The following EXOC5 variants were observed in gnomAD, a reference collection of about 807,000 sequenced individuals.
The protein encoded by EXOC5 is exocyst complex component 5, also known as SEC10-like 1.
In EXOC5, 17 loss-of-function variants were observed where a neutral mutation model predicts 90.8. The observed-to-expected ratio is 0.19, with a 90% CI of 0.13 to 0.28. The LOEUF (loss-of-function observed/expected upper bound fraction) is 0.28. EXOC5 is among the 10% of genes least tolerant of loss of function. The pLI, the probability that EXOC5 is intolerant of heterozygous loss-of-function variation, is 1.00. For missense variants in EXOC5, 569 were observed against 830.6 expected (o/e 0.69, Z 3.87); for synonymous variants, 260 against 270.0 (o/e 0.96, Z 0.36).
Position 57,232,767 on chromosome 14 carries a change from A to C in EXOC5, c.856-18T>G. 8.2e-7 allele frequency: 1 copy of C among 1,221,756 alleles called. No individual in the cohort carries two copies. The highest frequency in any genetic ancestry group is 1.2e-6 in the Non-Finnish European group (1 of 850,868). The allele number at this position is 1,221,756 out of a possible 1,614,324, so 75.7% of individuals were successfully genotyped here. Reference sequence around the variant, plus strand: ...ACAAAACTCTAAAAGAAAAAGGTTAACATTCTGTTAATTAGGTAAATATTA... The same window carrying C: ...ACAAAACTCTAAAAGAAAAAGGTTACCATTCTGTTAATTAGGTAAATATTA... On this transcript the variant is annotated intron_variant, in intron 9 of 17. Coordinates refer to ENST00000621441, the MANE Select transcript of EXOC5 (RefSeq NM_006544.4).
intron 1 of EXOC5, among the ~76,000 whole-genome samples, chr14:57,250,666 C>CT: frequency 1.3e-5 from 2 of 152,054 alleles, no homozygotes; most frequent in African/African-American, 4.8e-5. Flanking sequence ...ACCTAGTGGT[C>CT]ATTTCTGCAG....
intron 7 of EXOC5, among the ~76,000 whole-genome samples, chr14:57,235,284 T>C (rs187208627): frequency 2.6e-5 from 4 of 152,256 alleles, no homozygotes; most frequent in Admixed American, 2.0e-4. Flanking sequence ...CAAAATTCTT[T>C]TGTATTACCT....
intron 13 of EXOC5, among the ~76,000 whole-genome samples, chr14:57,221,266 G>C (rs184790732): frequency 9.0e-4 from 137 of 152,256 alleles, no homozygotes; most frequent in African/African-American, 3.1e-3. Context: ...AACAATAAGG[G>C]TCAGAGTGAC....
rs1160309009 is a variant in EXOC5 at position 57,205,100 on chromosome 14, T to C, written c.*3509A>G. 6.6e-6 allele frequency: 1 copy of C among 152,008 alleles called. No homozygotes were observed. Among genetic ancestry groups the C allele is most frequent in the Non-Finnish European group, 1.5e-5 (1 of 67,892 alleles). 9.4% of individuals were successfully genotyped at this position (152,008 alleles called of 1,614,324 possible). A position where few individuals can be genotyped will look rare whatever the true frequency, so the allele number is the denominator to read the frequency against. ...AATGGAAATAATAGTACCCAAATCC[T>C]AGGGTTGCTCTAGAATCCAATAATA... On this transcript the variant is annotated 3_prime_UTR_variant, in exon 18 of 18. Transcript: ENST00000621441.
intron 1 of EXOC5, chr14:57,268,339 T>C: frequency 2.7e-6 from 2 of 742,946 alleles, no homozygotes; most frequent in Non-Finnish European, 4.2e-6. Flanking sequence ...CCTTCCAGAC[T>C]TTCCCTCTTG....
chr14:57,227,851 C>T (rs1474448161), intron 12 of EXOC5, among the ~76,000 whole-genome samples: 1 of 152,044 alleles, frequency 6.6e-6, no homozygotes, highest in Admixed American at 6.6e-5. Context: ...TCTCAATCCA[C>T]TACCTAAAAG....
In EXOC5 at chr14:57,268,767, C is replaced by T; in HGVS notation, c.-119G>A. 1 of 1,459,540 alleles carries T rather than the reference C, an allele frequency of 6.9e-7. No homozygotes were observed. The highest frequency in any genetic ancestry group is 9.0e-7 in the Non-Finnish European group (1 of 1,110,962). 90.4% of individuals were successfully genotyped at this position (1,459,540 alleles called of 1,614,324 possible). On this transcript the variant is annotated 5_prime_UTR_variant, in exon 1 of 18. Coordinates refer to ENST00000621441, the MANE Select transcript of EXOC5 (RefSeq NM_006544.4). ...CGCCAGCTCCGGCTCCGGGCCGCTG[C>T]GGGCTCCCCAGCTCCCCACAGATCC...
intron 1 of EXOC5, among the ~76,000 whole-genome samples, chr14:57,251,839 G>A (rs1158276769): frequency 2.0e-5 from 3 of 151,778 alleles, no homozygotes; most frequent in Non-Finnish European, 4.4e-5. Context: ...AAAGGGAGAA[G>A]GCTCAAATTA....
chr14:57,262,686 AGTATATAT>A (rs1162664039), intron 1 of EXOC5, among the ~76,000 whole-genome samples: 1 of 133,620 alleles, frequency 7.5e-6, no homozygotes, highest in Non-Finnish European at 1.5e-5. Context: ...ATATACATTA[AGTATATAT>A]GTATATATAT....
intron 1 of EXOC5, among the ~76,000 whole-genome samples, chr14:57,266,906 T>C (rs1001468686): frequency 6.6e-6 from 1 of 151,870 alleles, no homozygotes; most frequent in South Asian, 2.1e-4. Context: ...GGTCAAACAT[T>C]TAAATAAAAA....
intron 7 of EXOC5, among the ~76,000 whole-genome samples, chr14:57,235,451 A>C (rs761473968): frequency 7.2e-5 from 11 of 152,080 alleles, no homozygotes; most frequent in Non-Finnish European, 1.5e-4. Flanking sequence ...TCTTTATCAA[A>C]GTATAAAAAT....
rs1882705082 is a variant in EXOC5, at chr14:57,207,859, G to A, written c.*750C>T. 1 of 151,842 alleles carries A rather than the reference G, an allele frequency of 6.6e-6. No individual in the cohort carries two copies. Among genetic ancestry groups the A allele is most frequent in the Admixed American group, 6.6e-5 (1 of 15,214 alleles). 9.4% of individuals were successfully genotyped at this position (151,842 alleles called of 1,614,324 possible). Reference sequence around the variant, plus strand: ...CCACCTTAAGTGAAATACAAAATAAGGTAGTTTTATTAATTTCTTACTAGA... The same window carrying A: ...CCACCTTAAGTGAAATACAAAATAAAGTAGTTTTATTAATTTCTTACTAGA... On this transcript the variant is annotated 3_prime_UTR_variant, in exon 18 of 18. Coordinates refer to ENST00000621441, the MANE Select transcript of EXOC5 (RefSeq NM_006544.4).
chr14:57,201,549 A>G lies in EXOC5; in HGVS notation c.*7060T>C, dbSNP rs1882507805. The G allele has an allele frequency of 7.6e-6, 1 of 131,574 alleles. No homozygotes were observed. The highest frequency in any genetic ancestry group is 1.5e-5 in the Non-Finnish European group (1 of 64,892). 8.2% of individuals were successfully genotyped at this position (131,574 alleles called of 1,614,324 possible). A position where few individuals can be genotyped will look rare whatever the true frequency, so the allele number is the denominator to read the frequency against. ...ACACACACACCACACATATACATAT[A>G]TTTTTATATATATTAATATTATATA... is the stretch of plus-strand genomic sequence containing the variant. On this transcript the variant is annotated 3_prime_UTR_variant, in exon 18 of 18. Coordinates refer to ENST00000621441, the MANE Select transcript of EXOC5 (RefSeq NM_006544.4).
In EXOC5 at chr14:57,205,669, C is replaced by T. The variant is rs2139601081; in HGVS notation, c.*2940G>A. On this transcript the variant is annotated 3_prime_UTR_variant, in exon 18 of 18. Coordinates refer to ENST00000621441, the MANE Select transcript of EXOC5 (RefSeq NM_006544.4). The stretch of plus-strand genomic sequence containing the variant: ...GAATTCTCCACTTGGAATCAATCTA[C>T]TGATTGATAATTAAATTATTTCACT... 1 of 340,400 alleles carries T rather than the reference C, an allele frequency of 2.9e-6. No individual in the cohort carries two copies. The highest frequency in any genetic ancestry group is 2.4e-5 in the South Asian group (1 of 41,096). 21.1% of individuals were successfully genotyped at this position (340,400 alleles called of 1,614,324 possible).
chr14:57,211,220 T>C (rs1240116751), intron 15 of EXOC5, among the ~76,000 whole-genome samples: 2 of 152,236 alleles, frequency 1.3e-5, no homozygotes, highest in Non-Finnish European at 2.9e-5. Context: ...CGTCACCTTG[T>C]CACTATTATC....
intron 15 of EXOC5, among the ~76,000 whole-genome samples, chr14:57,213,835 T>C (rs368185507): frequency 4.0e-5 from 6 of 151,812 alleles, no homozygotes; most frequent in East Asian, 2.0e-4. Flanking sequence ...CTGGGCATGG[T>C]GGTGCGCACC....
chr14:57,236,328 CCAGT>C (rs1883658222), intron 6 of EXOC5, among the ~76,000 whole-genome samples: 1 of 150,094 alleles, frequency 6.7e-6, no homozygotes, highest in Non-Finnish European at 1.5e-5. Flanking sequence ...TCTGTGTCAC[CCAGT>C]CAAAGTGCAG....
chr14:57,247,786 G>C, intron 1 of EXOC5, 74 bp from the exon 2 acceptor site: 1 of 641,920 alleles, frequency 1.6e-6, no homozygotes. Flanking sequence ...AATTAAAACA[G>C]CTTCTACTAG....
At chr14:57,239,476 C>G in intron 5 of EXOC5, 119 bp downstream of exon 5, 1 of 643,798 alleles carries the variant, frequency 1.6e-6, no homozygotes. Flanking sequence ...AATGAACCAG[C>G]AAGTGCTCAA....
Sources: allele counts gnomAD v4.1 joint callset (sites outside exome capture counted in the v4.1 genomes callset), GRCh38; gene constraint gnomAD v4.1.1; transcripts MANE v1.5; gene names NCBI Gene and HGNC (gene_info 2026-07-23, HGNC 2026-07-21).